Variants in ITFG1 observed in about 807,000 individuals in gnomAD.
The protein encoded by ITFG1 is integrin alpha FG-GAP repeat containing 1, also known as T-cell immunomodulatory protein.
Under a neutral mutation model 81.8 loss-of-function variants are expected in ITFG1, and 34 were observed. The ratio of observed to expected loss-of-function variants is 0.42; its 90% CI spans 0.32 to 0.55. The LOEUF is 0.55. Ranked by LOEUF, ITFG1 falls within the 20% of genes least tolerant of loss-of-function variation. ITFG1 has a pLI of 0.17. For missense variants in ITFG1, 672 were observed against 755.4 expected, an observed-to-expected ratio of 0.89 and a Z score of 1.29; for synonymous variants, 285 against 270.6, an observed-to-expected ratio of 1.05 and a Z score of -0.52.
chr16:47,162,281 A>G (rs1318609068), intron 15 of ITFG1, among the ~76,000 whole-genome samples: 2 of 152,084 alleles, frequency 1.3e-5, no homozygotes, highest in Non-Finnish European at 2.9e-5. Flanking sequence ...TGTTAGGATG[A>G]AAAAGCAGGA....
intron 13 of ITFG1, among the ~76,000 whole-genome samples, chr16:47,223,366 A>G (rs543856368): frequency 2.0e-5 from 3 of 152,360 alleles, no homozygotes; most frequent in Middle Eastern, 3.4e-3. Flanking sequence ...CAGAATCTAC[A>G]ATGAACTCAA....
rs188771993 is a variant in ITFG1, at chr16:47,260,635, C to T, written c.1131G>A (p.Ala377=). 84 of 1,614,108 alleles carry T rather than the reference C, an allele frequency of 5.2e-5. 1 individual carries two copies. The East Asian group carries it at 1.0e-3, about 20-fold the overall frequency. The change falls in exon 11 of 18, where the codon GCG becomes GCA. Residue 377 remains alanine (A), a synonymous_variant. Transcript: ENST00000320640. The stretch of plus-strand genomic sequence containing the variant: ...CCCAGTAGACTTTAAACATTCGACG[C>T]GCCTCTTCACAGCTTGCATTATTAC... ...VPCNNASCEE[A]RRMFKVYWEL... is the part of the protein sequence containing the mutation.
At chr16:47,387,208 G>T (rs186242390) in intron 6 of ITFG1, among the ~76,000 whole-genome samples, 2 of 152,164 alleles carry the variant, frequency 1.3e-5, no homozygotes, top group Admixed American at 6.5e-5. Flanking sequence ...GACAAGGTAC[G>T]TCTCCAAAGC....
intron 7 of ITFG1, among the ~76,000 whole-genome samples, chr16:47,368,353 A>G (rs1308342405): frequency 2.6e-5 from 4 of 151,676 alleles, no homozygotes; most frequent in East Asian, 1.9e-4. Flanking sequence ...GGAGATCAAG[A>G]CCAGCCTGGC....
At chr16:47,286,044 G>A (rs1244713391) in intron 10 of ITFG1, among the ~76,000 whole-genome samples, 1 of 152,158 alleles carries the variant, frequency 6.6e-6, no homozygotes, top group African/African-American at 2.4e-5. Context: ...CTCAGTATAG[G>A]GAGATGGAAG....
At chr16:47,171,152 C>T (rs1964955537) in intron 14 of ITFG1, among the ~76,000 whole-genome samples, 1 of 150,178 alleles carries the variant, frequency 6.7e-6, no homozygotes, top group African/African-American at 2.5e-5. Context: ...GTAGCTAGGA[C>T]TACGGGTGCA....
chr16:47,325,575 A>G (rs1326620356), intron 8 of ITFG1, among the ~76,000 whole-genome samples: 1 of 152,300 alleles, frequency 6.6e-6, no homozygotes, highest in East Asian at 1.9e-4. Context: ...ATAGACTGCT[A>G]GCAAGACTAA....
chr16:47,380,566 G>T (rs562029330), intron 6 of ITFG1, among the ~76,000 whole-genome samples: 107 of 152,296 alleles, frequency 7.0e-4, no homozygotes, highest in Middle Eastern at 3.4e-3. Flanking sequence ...GAGTGTGCAT[G>T]AGACTAAGTT....
At chr16:47,237,871 T>C (rs1965893950) in intron 13 of ITFG1, 94 bp downstream of exon 13, 3 of 643,296 alleles carry the variant, frequency 4.7e-6, no homozygotes, top group Non-Finnish European at 8.2e-6. Flanking sequence ...CAGATAATAA[T>C]GATATTTGAT....
At chr16:47,455,751 C>T (rs1255056485) in intron 2 of ITFG1, among the ~76,000 whole-genome samples, 1 of 109,800 alleles carries the variant, frequency 9.1e-6, no homozygotes, top group Admixed American at 1.3e-4. Flanking sequence ...CTAGCCTGGG[C>T]AACAGAGCAA....
intron 3 of ITFG1, among the ~76,000 whole-genome samples, chr16:47,453,105 G>A (rs1224759184): frequency 6.6e-6 from 1 of 152,150 alleles, no homozygotes; most frequent in African/African-American, 2.4e-5. Flanking sequence ...AATTAACAAG[G>A]TTTTGGTGTA....
intron 14 of ITFG1, among the ~76,000 whole-genome samples, chr16:47,168,714 T>A (rs115422206): frequency 2.4e-3 from 370 of 152,238 alleles, no homozygotes; most frequent in African/African-American, 8.2e-3. Flanking sequence ...GCAAAAAAGC[T>A]TTACATTTTT....
In ITFG1 at chr16:47,179,844, G is replaced by A. The variant is rs557781380; in HGVS notation, c.1454-17180C>T. Among the ~76,000 whole-genome samples the A allele has an allele frequency of 2.6e-5, 4 of 152,126 alleles. No individual in the cohort carries two copies. In the South Asian group the frequency reaches 8.3e-4, roughly 32 times the overall value. On this transcript the variant is annotated intron_variant, in intron 14 of 17. Transcript: ENST00000320640. The stretch of plus-strand genomic sequence containing the variant: ...TGAGTTCTTAGATTTTTGGAAGTTA[G>A]GATCATCACTGTTTATAGAAAACTT...
intron 14 of ITFG1, among the ~76,000 whole-genome samples, chr16:47,195,208 T>C (rs567456617): frequency 6.6e-6 from 1 of 152,328 alleles, no homozygotes; most frequent in South Asian, 2.1e-4. Flanking sequence ...AAATGTGTGG[T>C]TGTGTTTGTA....
intron 8 of ITFG1, among the ~76,000 whole-genome samples, chr16:47,363,973 C>T (rs974987538): frequency 4.6e-5 from 7 of 152,138 alleles, no homozygotes; most frequent in African/African-American, 1.2e-4. Context: ...GACTTCCTGG[C>T]GGTCAGTCAC....
chr16:47,179,952 T>C (rs949894765), intron 14 of ITFG1, among the ~76,000 whole-genome samples: 17 of 152,226 alleles, frequency 1.1e-4, no homozygotes, highest in African/African-American at 3.9e-4. Context: ...TGTTACTCCT[T>C]TGGCATATTT....
At chr16:47,404,192 A>C (rs1438868210) in intron 6 of ITFG1, among the ~76,000 whole-genome samples, 1 of 152,216 alleles carries the variant, frequency 6.6e-6, no homozygotes, top group Non-Finnish European at 1.5e-5. Context: ...GAACACAGAC[A>C]GTCCCTTCAC....
At chr16:47,419,709 TCTC>T (rs1189582652) in intron 6 of ITFG1, among the ~76,000 whole-genome samples, 1 of 147,090 alleles carries the variant, frequency 6.8e-6, no homozygotes, top group Admixed American at 6.8e-5. Flanking sequence ...TTCAAGCAAT[TCTC>T]CTGCCTCAGC....
intron 10 of ITFG1, among the ~76,000 whole-genome samples, chr16:47,282,634 G>A (rs1217207474): frequency 6.6e-6 from 1 of 152,014 alleles, no homozygotes; most frequent in African/African-American, 2.4e-5. Flanking sequence ...TACGTCAAAT[G>A]GTAATTCTAT....
Sources: allele counts gnomAD v4.1 joint callset (sites outside exome capture counted in the v4.1 genomes callset), GRCh38; gene constraint gnomAD v4.1.1; transcripts MANE v1.5; gene names NCBI Gene and HGNC (gene_info 2026-07-23, HGNC 2026-07-21).